Variants in HHAT observed in about 807,000 individuals in gnomAD.
The protein encoded by HHAT is protein-cysteine N-palmitoyltransferase HHAT.
In HHAT, 47 loss-of-function variants were observed where a neutral mutation model predicts 70.8. The ratio of observed to expected loss-of-function variants is 0.66; its 90% CI spans 0.53 to 0.85. HHAT has a LOEUF of 0.85. Among genes scored for constraint, HHAT ranks in the 40% least tolerant of loss-of-function variants. HHAT has a pLI of 0.00. For missense variants in HHAT, 609 were observed against 604.8 expected (o/e 1.01, Z -0.07); for synonymous variants, 228 against 247.6 (o/e 0.92, Z 0.74).
intron 9 of HHAT, 105 bp downstream of exon 9, chr1:210,513,293 T>C (rs909555217): frequency 9.7e-6 from 6 of 616,310 alleles, no homozygotes; most frequent in African/African-American, 3.8e-5. Context: ...ATGGCACTTA[T>C]ATATATACTT....
intron 8 of HHAT, among the ~76,000 whole-genome samples, chr1:210,506,040 T>G (rs2094847706): frequency 6.6e-6 from 1 of 152,180 alleles, no homozygotes; most frequent in Non-Finnish European, 1.5e-5. Context: ...ATGGACACGG[T>G]GTGTGGGCCC....
At chr1:210,364,856 C>T (rs1479292224) in intron 3 of HHAT, among the ~76,000 whole-genome samples, 2 of 152,210 alleles carry the variant, frequency 1.3e-5, no homozygotes, top group Non-Finnish European at 2.9e-5. Flanking sequence ...GAAAAGTCCA[C>T]GTGGCACAGA....
intron 5 of HHAT, among the ~76,000 whole-genome samples, chr1:210,404,084 CTGAA>C (rs1280005034): frequency 4.3e-4 from 66 of 152,264 alleles, no homozygotes; most frequent in Middle Eastern, 3.4e-3. Context: ...TCTTTGTTAT[CTGAA>C]TTGTTGAAGA....
intron 8 of HHAT, among the ~76,000 whole-genome samples, chr1:210,481,555 G>A (rs2094397248): frequency 6.6e-6 from 1 of 152,158 alleles, no homozygotes; most frequent in Non-Finnish European, 1.5e-5. Flanking sequence ...CTAAATAGGT[G>A]GTAGAAAGGA....
At chr1:210,380,815 A>G (rs1386529745) in intron 3 of HHAT, among the ~76,000 whole-genome samples, 1 of 152,036 alleles carries the variant, frequency 6.6e-6, no homozygotes, top group East Asian at 1.9e-4. Context: ...CTGTGGGGTC[A>G]GAGGGGTCAA....
rs533542272 is a variant in HHAT at position 210,587,078 on chromosome 1, C to T, written c.1044-820C>T. ...CACCCAGCTCCTGCCTGTTTAGGAACGTGATCTTACCAATTGCATTTAAAT... is the reference window on the plus strand; with the variant it reads ...CACCCAGCTCCTGCCTGTTTAGGAATGTGATCTTACCAATTGCATTTAAAT... On this transcript the variant is annotated intron_variant, in intron 9 of 11. Transcript: ENST00000261458. 3.2e-4 allele frequency among the ~76,000 whole-genome samples: 48 copies of T among 152,286 alleles called. 1 individual carries two copies. The highest frequency in any genetic ancestry group is 8.4e-4 in the African/African-American group (35 of 41,550).
chr1:210,651,440 T>C (rs948302310), intron 11 of HHAT, among the ~76,000 whole-genome samples: 1 of 151,994 alleles, frequency 6.6e-6, no homozygotes. Context: ...CCCCTAGGGT[T>C]GGGAAACACA....
chr1:210,433,826 C>G (rs974975583), intron 7 of HHAT, among the ~76,000 whole-genome samples: 1 of 151,986 alleles, frequency 6.6e-6, no homozygotes, highest in Non-Finnish European at 1.5e-5. Context: ...TAATCAGGCT[C>G]TCAGGTGGAG....
At position 210,668,594 on chromosome 1, in the gene HHAT, T is replaced by G. The variant is rs536023893; in HGVS notation, c.1391-5694T>G. 1.7e-3 allele frequency among the ~76,000 whole-genome samples: 256 copies of G among 152,344 alleles called. 4 individuals are homozygous for G. The highest frequency in any genetic ancestry group is 6.5e-4 in the Non-Finnish European group (44 of 68,026). The stretch of plus-strand genomic sequence containing the variant: ...TGAGGCCTCCCCAGCCATGTGGAAC[T>G]GTGAATCCATTAAACCTCTTTTTCT... On this transcript the variant is annotated intron_variant, in intron 11 of 11. Coordinates refer to ENST00000261458, the MANE Select transcript of HHAT (RefSeq NM_018194.6).
chr1:210,665,739 G>A (rs1325132824), intron 11 of HHAT, among the ~76,000 whole-genome samples: 4 of 152,174 alleles, frequency 2.6e-5, no homozygotes. Context: ...CCTGGGCTTG[G>A]GATGTGGACT....
chr1:210,454,873 G>A (rs2148408373), intron 7 of HHAT, among the ~76,000 whole-genome samples: 1 of 152,330 alleles, frequency 6.6e-6, no homozygotes, highest in South Asian at 2.1e-4. Context: ...ACTCTGGGAA[G>A]TCAACTCTCT....
chr1:210,573,682 T>TC (rs1656905449), intron 9 of HHAT, among the ~76,000 whole-genome samples: 1 of 152,280 alleles, frequency 6.6e-6, no homozygotes, highest in African/African-American at 2.4e-5. Flanking sequence ...TTGGCATGTG[T>TC]CCCCCCATCA....
intron 11 of HHAT, among the ~76,000 whole-genome samples, chr1:210,625,359 C>T (rs1298998941): frequency 1.3e-5 from 2 of 152,162 alleles, no homozygotes; most frequent in African/African-American, 2.4e-5. Flanking sequence ...TTGCTTGTCA[C>T]ATAATGAGGA....
At chr1:210,536,489 G>A (rs1164538006) in intron 9 of HHAT, among the ~76,000 whole-genome samples, 2 of 152,232 alleles carry the variant, frequency 1.3e-5, no homozygotes, top group African/African-American at 4.8e-5. Context: ...ACTGCTTGTG[G>A]ACTGAAGACT....
chr1:210,387,808 G>A (rs974977751), intron 4 of HHAT, among the ~76,000 whole-genome samples: 3 of 152,206 alleles, frequency 2.0e-5, no homozygotes, highest in African/African-American at 7.2e-5. Flanking sequence ...AGGTTGTAGT[G>A]TAAAACTAAC....
At chr1:210,631,750 T>A (rs1337902942) in intron 11 of HHAT, among the ~76,000 whole-genome samples, 1 of 152,224 alleles carries the variant, frequency 6.6e-6, no homozygotes, top group Non-Finnish European at 1.5e-5. Context: ...GTGGTTCTTG[T>A]CTTTGCAGTG....
chr1:210,477,850 A>G (rs112211651), intron 8 of HHAT, among the ~76,000 whole-genome samples: 1 of 152,122 alleles, frequency 6.6e-6, no homozygotes, highest in Admixed American at 6.5e-5. Flanking sequence ...AGGGAAATGG[A>G]CTTGCAGAGG....
At chr1:210,401,267 C>T (rs1204406113) in intron 5 of HHAT, among the ~76,000 whole-genome samples, 1 of 152,146 alleles carries the variant, frequency 6.6e-6, no homozygotes, top group East Asian at 1.9e-4. Flanking sequence ...GTACCTGCCA[C>T]CATACCCAGT....
At chr1:210,365,738 C>CT (rs2088886137) in intron 3 of HHAT, among the ~76,000 whole-genome samples, 3 of 151,736 alleles carry the variant, frequency 2.0e-5, no homozygotes, top group Non-Finnish European at 2.9e-5. Context: ...GCCTCAGTCT[C>CT]TTGAGTAGCT....
Sources: allele counts gnomAD v4.1 joint callset (sites outside exome capture counted in the v4.1 genomes callset), GRCh38; gene constraint gnomAD v4.1.1; transcripts MANE v1.5; gene names NCBI Gene and HGNC (gene_info 2026-07-23, HGNC 2026-07-21).